The following LHFPL5 variants were observed in gnomAD, a reference collection of about 807,000 sequenced individuals.
LHFPL5 encodes the protein LHFPL tetraspan subfamily member 5 protein.
A neutral mutation model predicts 18.7 loss-of-function variants in LHFPL5; 12 were observed. That is an observed-to-expected ratio of 0.64 (90% CI 0.41 to 1.04). The LOEUF (loss-of-function observed/expected upper bound fraction) is 1.04, where lower values mean the gene tolerates loss of function less well. LHFPL5 is among the 50% of genes least tolerant of loss of function. LHFPL5 has a pLI of 0.00. For synonymous variants in LHFPL5, 111 were observed against 120.2 expected (o/e 0.92, Z 0.50); for missense variants, 259 against 292.1 (o/e 0.89, Z 0.83).
chr6:35,815,332 A>G (rs986008774), intron 2 of LHFPL5, among the ~76,000 whole-genome samples: 1 of 152,148 alleles, frequency 6.6e-6, no homozygotes, highest in African/African-American at 2.4e-5. Context: ...CAGTCATAAA[A>G]GTCAGCTGTA....
rs369419802 is a variant in LHFPL5 at position 35,814,725 on chromosome 6, G to C, written c.592G>C (p.Val198Leu). 3.1e-6 allele frequency: 5 copies of C among 1,614,022 alleles called. No individual in the cohort carries two copies. The Admixed American group carries it at 5.0e-5, about 16-fold the overall frequency. ...DALILSFLAF[V>L]LGYRQDKLLP... ...CCTCATCCTCTCCTTCCTGGCCTTC[G>C]TGTTGGGCTACCGGCAGGACAAGCT... is the stretch of plus-strand genomic sequence containing the variant. The change falls in exon 2 of 4, where the codon GTG (valine) becomes CTG (leucine). Residue 198 changes from valine (V) to leucine (L), a missense_variant. Transcript: ENST00000360215. The surrounding 1 kb of genome is among the most constrained non-coding windows in gnomAD (Gnocchi z 4.2).
chr6:35,816,321 G>A (rs962400071), intron 2 of LHFPL5, among the ~76,000 whole-genome samples: 2 of 147,374 alleles, frequency 1.4e-5, no homozygotes, highest in African/African-American at 5.1e-5. Context: ...ACTCCAGCCT[G>A]GACGACAGAG....
intron 2 of LHFPL5, among the ~76,000 whole-genome samples, chr6:35,816,347 A>G: frequency 6.8e-6 from 1 of 147,806 alleles, no homozygotes; most frequent in African/African-American, 2.5e-5. Context: ...CTCCGTCTCA[A>G]AAAAAAAAAA....
chr6:35,821,857 A>ATTTT (rs763639486), intron 3 of LHFPL5, among the ~76,000 whole-genome samples: 1,384 of 39,188 alleles, frequency 0.035, 422 homozygotes, highest in Middle Eastern at 0.1. Flanking sequence ...GTGTACCACA[A>ATTTT]TTTTTTTTTT....
intron 1 of LHFPL5, among the ~76,000 whole-genome samples, chr6:35,812,397 G>A (rs1474806653): frequency 3.3e-5 from 5 of 152,176 alleles, no homozygotes; most frequent in Non-Finnish European, 7.3e-5. Flanking sequence ...GATAAGGGGA[G>A]CACCCCCTGC....
chr6:35,820,631 C>T (rs1581975972), intron 3 of LHFPL5, among the ~76,000 whole-genome samples: 1 of 151,604 alleles, frequency 6.6e-6, no homozygotes, highest in African/African-American at 2.4e-5. Flanking sequence ...ACCCAGGAGG[C>T]GGAGCTTGCA....
chr6:35,811,845 A>G (rs113324046), intron 1 of LHFPL5, among the ~76,000 whole-genome samples: 14 of 152,272 alleles, frequency 9.2e-5, no homozygotes, highest in African/African-American at 1.9e-4. Flanking sequence ...CTTCCTGAAC[A>G]CTTAGTTTTC....
At chr6:35,808,861 G>T (rs1044048413) in intron 1 of LHFPL5, among the ~76,000 whole-genome samples, 4 of 151,950 alleles carry the variant, frequency 2.6e-5, no homozygotes, top group African/African-American at 4.8e-5. Flanking sequence ...GGGTAGAAAA[G>T]CTGGAGACAC....
At chr6:35,819,579 G>A in intron 3 of LHFPL5, 116 bp downstream of exon 3, 1 of 991,586 alleles carries the variant, frequency 1.0e-6, no homozygotes, top group African/African-American at 1.6e-5. Context: ...AGGCTGTGAT[G>A]CTGCTTGGGG....
rs377573627 is a variant in LHFPL5 at position 35,822,143 on chromosome 6, C to T, written c.*17-839C>T. Among the ~76,000 whole-genome samples the T allele has an allele frequency of 1.2e-4, 18 of 152,134 alleles. No homozygotes were observed. In the East Asian group the frequency reaches 3.5e-3, roughly 29 times the overall value. On this transcript the variant is annotated intron_variant, in intron 3 of 3. Coordinates refer to ENST00000360215, the MANE Select transcript of LHFPL5 (RefSeq NM_182548.4). ...GGTTCAAGTCATCCTCCTGCCTTAGCCTCCCAAAGTGTTGAGATTACAGGC... is the reference window on the plus strand; with the variant it reads ...GGTTCAAGTCATCCTCCTGCCTTAGTCTCCCAAAGTGTTGAGATTACAGGC...
chr6:35,821,525 A>C (rs1290808994), intron 3 of LHFPL5, among the ~76,000 whole-genome samples: 1 of 148,862 alleles, frequency 6.7e-6, no homozygotes, highest in African/African-American at 2.5e-5. Context: ...CTTGTTGCCC[A>C]GGCTGGAGTG....
chr6:35,817,402 TC>T (rs1380632515), intron 2 of LHFPL5, among the ~76,000 whole-genome samples: 1 of 152,018 alleles, frequency 6.6e-6, no homozygotes, highest in Non-Finnish European at 1.5e-5. Context: ...AAAGACACCA[TC>T]AAGAAAGTAA....
At chr6:35,821,374 T>C (rs1768863308) in intron 3 of LHFPL5, among the ~76,000 whole-genome samples, 1 of 151,872 alleles carries the variant, frequency 6.6e-6, no homozygotes. Flanking sequence ...ACCCTGCATT[T>C]CTAATGAGTT....
chr6:35,821,844 C>T (rs1768872963), intron 3 of LHFPL5, among the ~76,000 whole-genome samples: 1 of 132,508 alleles, frequency 7.5e-6, no homozygotes, highest in Non-Finnish European at 1.6e-5. Flanking sequence ...CTCCACAGCA[C>T]TGGTGTACCA....
chr6:35,812,410 G>A (rs1166022709), intron 1 of LHFPL5, among the ~76,000 whole-genome samples: 1 of 152,144 alleles, frequency 6.6e-6, no homozygotes, highest in Non-Finnish European at 1.5e-5. Context: ...CCCCCTGCCC[G>A]TGGGGCAGCT....
intron 1 of LHFPL5, among the ~76,000 whole-genome samples, chr6:35,806,530 C>G (rs541513118): frequency 6.6e-6 from 1 of 152,158 alleles, no homozygotes; most frequent in Non-Finnish European, 1.5e-5. Flanking sequence ...ATTCTAGATG[C>G]CTTCATCTCC....
At chr6:35,822,025 C>T (rs988542808) in intron 3 of LHFPL5, among the ~76,000 whole-genome samples, 1 of 151,698 alleles carries the variant, frequency 6.6e-6, no homozygotes, top group African/African-American at 2.4e-5. Context: ...CAGGCACATA[C>T]CTCCTGCCCA....
At chr6:35,816,849 T>C (rs73404023) in intron 2 of LHFPL5, among the ~76,000 whole-genome samples, 4,528 of 150,582 alleles carry the variant, frequency 0.03, 196 homozygotes, top group African/African-American at 0.099. Flanking sequence ...ACCCAAACAT[T>C]TATGGCCAAT....
At chr6:35,810,691 G>T (rs898404655) in intron 1 of LHFPL5, among the ~76,000 whole-genome samples, 1 of 152,080 alleles carries the variant, frequency 6.6e-6, no homozygotes, top group Non-Finnish European at 1.5e-5. Flanking sequence ...GCTGGGCTTG[G>T]TGGCGGGCGC....
Sources: gnomAD v4.1 joint callset for allele counts (sites outside exome capture counted in the v4.1 genomes callset) on GRCh38, gnomAD v4.1.1 for gene constraint, Gnocchi (gnomAD v3.1) non-coding constraint, MANE v1.5 for transcripts, NCBI Gene and HGNC (gene_info 2026-07-23, HGNC 2026-07-21) for gene names.